Variants in THBS4 observed in about 807,000 individuals in gnomAD.
THBS4 encodes the protein thrombospondin-4.
Under a neutral mutation model 115.7 loss-of-function variants are expected in THBS4, and 90 were observed. The observed-to-expected ratio is 0.78, with a 90% CI of 0.66 to 0.93. The LOEUF (loss-of-function observed/expected upper bound fraction) is 0.93, where lower values mean the gene tolerates loss of function less well. Ranked by LOEUF, THBS4 falls within the 40% of genes least tolerant of loss-of-function variation. The pLI, the probability that THBS4 is intolerant of heterozygous loss-of-function variation, is 0.00. For missense variants in THBS4, 1,087 were observed against 1,232.7 expected (o/e 0.88, Z 1.77); for synonymous variants, 460 against 479.3 (o/e 0.96, Z 0.53).
chr5:80,035,145 C>T (rs1300853289), upstream of THBS4, among the ~76,000 whole-genome samples: 1 of 151,758 alleles, frequency 6.6e-6, no homozygotes, highest in African/African-American at 2.4e-5. The surrounding 1 kb of genome is among the most constrained non-coding windows in gnomAD (Gnocchi z 4.6). Flanking sequence ...GCGTCGGGGC[C>T]GTGTCTACAC....
rs775726871 is a variant in THBS4 at position 80,078,083 on chromosome 5, T to C, written c.2121T>C (p.Phe707=). The part of the protein sequence containing the change: ...DGVGDICESD[F]DQDQVIDRID... ...TGGGAGACATCTGTGAGTCTGACTT[T>C]GACCAGGACCAGGTCATCGATCGGA... Residue 707 remains phenylalanine (F), a synonymous_variant, in exon 17 of 22, where the codon TTT becomes TTC. Coordinates refer to ENST00000350881, the MANE Select transcript of THBS4 (RefSeq NM_003248.6). 2 of 1,602,708 alleles carry C rather than the reference T, an allele frequency of 1.2e-6. No homozygotes were observed. Among genetic ancestry groups the C allele is most frequent in the South Asian group, 2.2e-5 (2 of 89,558 alleles).
chr5:80,011,207 C>T (rs187817339), intron 2 of THBS4, among the ~76,000 whole-genome samples: 1 of 152,342 alleles, frequency 6.6e-6, no homozygotes, highest in East Asian at 1.9e-4. Flanking sequence ...TCCTTGCCTT[C>T]TGCCAAGATT....
intron 1 of THBS4, among the ~76,000 whole-genome samples, chr5:79,995,486 A>C (rs1379757006): frequency 6.7e-6 from 1 of 149,612 alleles, no homozygotes; most frequent in Non-Finnish European, 1.5e-5. Context: ...TGATAAAGGA[A>C]GAAGAGAAAT....
chr5:79,995,399 GA>G (rs1831771369), intron 1 of THBS4, among the ~76,000 whole-genome samples: 1 of 152,180 alleles, frequency 6.6e-6, no homozygotes, highest in South Asian at 2.1e-4. Context: ...GAGGTTGTTA[GA>G]AATCCAGTGG....
Position 80,079,328 on chromosome 5 carries a change from T to A in THBS4, c.2511+70T>A, listed in dbSNP as rs529942112. ...CTCATCTTTTTTCAGATATTGTGTTTTCCCATGTGGTACTTAGTTAATCTA... is the reference window on the plus strand; with the variant it reads ...CTCATCTTTTTTCAGATATTGTGTTATCCCATGTGGTACTTAGTTAATCTA... On this transcript the variant is annotated intron_variant, in intron 19 of 21. Transcript: ENST00000350881. 1.6e-3 allele frequency: 2,305 copies of A among 1,479,862 alleles called. 6 individuals are homozygous for A. The highest frequency in any genetic ancestry group is 1.6e-3 in the Non-Finnish European group (1,791 of 1,109,116). 91.7% of individuals were successfully genotyped at this position (1,479,862 alleles called of 1,614,324 possible).
intron 10 of THBS4, among the ~76,000 whole-genome samples, chr5:80,069,567 G>A (rs559581920): frequency 6.6e-6 from 1 of 152,364 alleles, no homozygotes; most frequent in Non-Finnish European, 1.5e-5. Flanking sequence ...CACAACGACA[G>A]ATGGTAAAGG....
rs1339870272 is a variant in THBS4 at position 80,066,095 on chromosome 5, A to C, written c.1194+618A>C. Among the ~76,000 whole-genome samples the C allele has an allele frequency of 2.1e-4, 13 of 61,882 alleles. 1 individual carries two copies. Among genetic ancestry groups the C allele is most frequent in the African/African-American group, 6.1e-4 (11 of 18,092 alleles). The allele number at this position is 61,882 out of a possible 152,430, so 40.6% of individuals were successfully genotyped here. On this transcript the variant is annotated intron_variant, in intron 9 of 21. Transcript: ENST00000350881. ...GGGCGACAGAGCAAGACTCCCTCTCAAAAAAAAAAAAAAAAAAAAACTTTT... is the reference window on the plus strand; with the variant it reads ...GGGCGACAGAGCAAGACTCCCTCTCCAAAAAAAAAAAAAAAAAAAACTTTT...
rs575564096 is a variant in THBS4, at chr5:80,065,413, G to A, written c.1130G>A (p.Cys377Tyr). 3.7e-6 allele frequency: 6 copies of A among 1,612,736 alleles called. No homozygotes were observed. Among genetic ancestry groups the A allele is most frequent in the Non-Finnish European group, 5.1e-6 (6 of 1,179,470 alleles). ...ISFAKSNKQVCTDIDECRNGA... is the reference protein window; with the variant it reads ...ISFAKSNKQVYTDIDECRNGA... ...CTTTGAACTTTTCTGCACTAGGTCT[G>A]CACTGACATTGATGAGTGTCGAAAT... is the stretch of plus-strand genomic sequence containing the variant. Residue 377 changes from cysteine to tyrosine, a missense_variant, in exon 9 of 22, where the codon TGC becomes TAC. Transcript: ENST00000350881.
rs1451676543 is a variant in THBS4 at position 80,079,983 on chromosome 5, A to C, written c.2590A>C (p.Arg864=). ...CACGGGGGACACCAGTGACCAGGTCAGGCTGCTGTGGAAGGACTCCAGGAA... is the reference window on the plus strand; with the variant it reads ...CACGGGGGACACCAGTGACCAGGTCCGGCTGCTGTGGAAGGACTCCAGGAA... ...WHTGDTSDQV[R]LLWKDSRNVG... The change falls in exon 20 of 22, where the codon AGG becomes CGG. Residue 864 remains arginine (R), a synonymous_variant. Transcript: ENST00000350881. 6.2e-7 allele frequency: 1 copy of C among 1,614,114 alleles called. No individual in the cohort carries two copies. The highest frequency in any genetic ancestry group is 1.3e-5 in the African/African-American group (1 of 75,028).
chr5:80,040,121 G>C lies in THBS4; in HGVS notation c.133G>C (p.Ala45Pro). Residue 45 changes from alanine to proline, a missense_variant, in exon 2 of 22, where the codon GCT becomes CCT. This residue lies in a region of THBS4 where 979 missense variants were observed against 1,103.7 expected (regional missense o/e 0.89). Coordinates refer to ENST00000350881, the MANE Select transcript of THBS4 (RefSeq NM_003248.6). ...PSSSQRLNPG[A>P]LLPVLTDPAL... ...TTCCAGTCAGAGGCTAAACCCAGGC[G>C]CTCTGCTGCCAGTCCTGACAGACCC... The C allele has an allele frequency of 1.2e-6, 2 of 1,613,848 alleles. No homozygotes were observed. The highest frequency in any genetic ancestry group is 1.3e-5 in the African/African-American group (1 of 74,894).
At chr5:80,065,252 A>G (rs1833772526) in intron 8 of THBS4, among the ~76,000 whole-genome samples, 157 bp from the exon 9 acceptor site, 1 of 152,224 alleles carries the variant, frequency 6.6e-6, no homozygotes, top group Non-Finnish European at 1.5e-5. Flanking sequence ...ACTGGTACAA[A>G]TGCAAGGGAG....
rs1209533710 is a variant in THBS4, at chr5:80,068,019, A to C, written c.1241A>C (p.Gln414Pro). The change falls in exon 10 of 22, where the codon CAG becomes CCG. Residue 414 changes from glutamine to proline, a missense_variant. Transcript: ENST00000350881. ...GPCKPGYTGD[Q>P]IRGCKAERNC... The stretch of plus-strand genomic sequence containing the variant: ...TGTAAGCCGGGGTATACTGGTGATC[A>C]GATAAGGGGATGCAAAGCGGAAAGA... 3 of 1,614,178 alleles carry C rather than the reference A, an allele frequency of 1.9e-6. No individual in the cohort carries two copies. The East Asian group carries it at 6.7e-5, about 36-fold the overall frequency.
At chr5:80,046,447 G>C (rs1332424137) in intron 2 of THBS4, among the ~76,000 whole-genome samples, 1 of 152,238 alleles carries the variant, frequency 6.6e-6, no homozygotes, top group African/African-American at 2.4e-5. Flanking sequence ...TTATAAAGAA[G>C]GGAAGGGTGG....
chr5:80,059,879 G>A lies in THBS4; in HGVS notation c.961G>A (p.Gly321Arg), dbSNP rs147299137. 319 of 1,613,936 alleles carry A rather than the reference G, an allele frequency of 2.0e-4. No homozygotes were observed. The highest frequency in any genetic ancestry group is 2.5e-4 in the Non-Finnish European group (293 of 1,180,018). Residue 321 changes from glycine (G) to arginine (R), a missense_variant, in exon 7 of 22, where the codon GGG (glycine) becomes AGG (arginine). Physicochemically the swap from Gly to Arg is moderately radical, Grantham distance 125. Transcript: ENST00000350881. ...GPCPEGYTGN[G>R]ITCIDVDECK... ...CTGCCCCGAGGGCTACACAGGAAAC[G>A]GGATCACCTGTATTGATGTTGATGA...
intron 4 of THBS4, 89 bp downstream of exon 4, chr5:80,058,403 C>A: frequency 2.1e-6 from 2 of 937,392 alleles, no homozygotes; most frequent in Non-Finnish European, 3.3e-6. Flanking sequence ...AAAAGTGGGA[C>A]TGTCAACAGA....
intron 1 of THBS4, among the ~76,000 whole-genome samples, chr5:79,995,140 G>A (rs1831765429): frequency 6.6e-6 from 1 of 152,196 alleles, no homozygotes; most frequent in African/African-American, 2.4e-5. Context: ...TTGAGAACCA[G>A]AATTGGAAGG....
intron 2 of THBS4, among the ~76,000 whole-genome samples, chr5:80,005,152 CAG>C (rs2040451051): frequency 6.6e-6 from 1 of 152,160 alleles, no homozygotes; most frequent in Admixed American, 6.5e-5. Context: ...TATCTTGGGA[CAG>C]GGTGGGTTTT....
At chr5:80,024,485 AAAGT>A (rs767596589) in intron 2 of THBS4, among the ~76,000 whole-genome samples, 3 of 152,284 alleles carry the variant, frequency 2.0e-5, no homozygotes, top group Non-Finnish European at 4.4e-5. Context: ...CCCAGTGAGG[AAAGT>A]AAGACACCAC....
At chr5:80,071,238 T>C (rs756185952) in intron 13 of THBS4, 58 bp downstream of exon 13, 3 of 1,527,916 alleles carry the variant, frequency 2.0e-6, no homozygotes, top group Middle Eastern at 1.7e-4. Context: ...GTTCCATTGT[T>C]CTCTGAGAGA....
Sources: allele counts gnomAD v4.1 joint callset (sites outside exome capture counted in the v4.1 genomes callset), GRCh38; gene constraint gnomAD v4.1.1; regional missense constraint gnomAD v4.1.1; non-coding constraint Gnocchi (gnomAD v3.1); transcripts MANE v1.5; gene names NCBI Gene and HGNC (gene_info 2026-07-23, HGNC 2026-07-21).